HGS: variants seen among roughly 807,000 people sequenced by gnomAD.
The protein encoded by HGS is hepatocyte growth factor-regulated tyrosine kinase substrate, also known as human growth factor-regulated tyrosine kinase substrate.
HGS carries 63 observed loss-of-function variants against 109.7 expected under a neutral mutation model. The observed-to-expected ratio is 0.57, with a 90% CI of 0.47 to 0.71. The LOEUF is 0.71. Among genes scored for constraint, HGS ranks in the 30% least tolerant of loss-of-function variants. The pLI is 0.00. For synonymous variants in HGS, 546 were observed against 437.3 expected (o/e 1.25, Z -3.10); for missense variants, 995 against 1,068.3 (o/e 0.93, Z 0.96).
At chr17:81,690,774 C>G in intron 7 of HGS, 32 bp downstream of exon 7, 1 of 1,587,162 alleles carries the variant, frequency 6.3e-7, no homozygotes, top group Non-Finnish European at 8.6e-7. Context: ...TCTACAGCCC[C>G]GGCCAGACAC....
chr17:81,697,053 C>A, intron 18 of HGS, 55 bp downstream of exon 18: 2 of 1,479,074 alleles, frequency 1.4e-6, no homozygotes, highest in Non-Finnish European at 1.8e-6. Flanking sequence ...TTTATTTTAG[C>A]CGAATTTACA....
In HGS at chr17:81,700,563, A is replaced by C; in HGVS notation, c.1979A>C (p.Tyr660Ser). 6.2e-7 allele frequency: 1 copy of C among 1,610,202 alleles called. No homozygotes were observed. The highest frequency in any genetic ancestry group is 1.1e-5 in the South Asian group (1 of 90,688). ...GCCGGACCCACCGCCAGCCCCGCTTACTCATCCTACCAGCCTACTCCCACA... is the reference window on the plus strand; with the variant it reads ...GCCGGACCCACCGCCAGCCCCGCTTCCTCATCCTACCAGCCTACTCCCACA... ...AQAGPTASPA[Y>S]SSYQPTPTAG... Residue 660 changes from tyrosine to serine, a missense_variant, in exon 19 of 22, where the codon TAC (tyrosine) becomes TCC (serine). This residue lies in a region of HGS where 326 missense variants were observed against 309.7 expected (regional missense o/e 1.05). Coordinates refer to ENST00000329138, the MANE Select transcript of HGS (RefSeq NM_004712.5).
Position 81,700,389 on chromosome 17 carries a change from A to G in HGS, c.1883-78A>G, listed in dbSNP as rs2037216915. 7 of 1,408,050 alleles carry G rather than the reference A, an allele frequency of 5.0e-6. No homozygotes were observed. The South Asian group carries it at 1.0e-4, about 21-fold the overall frequency. The allele number at this position is 1,408,050 out of a possible 1,614,324, so 87.2% of individuals were successfully genotyped here. A position where few individuals can be genotyped will look rare whatever the true frequency, so the allele number is the denominator to read the frequency against. ...TCTCAAAAAAAAAAAAAAAAAAGTAAAACTCAAGAGTAGGGTGTCCCTTCC... is the reference window on the plus strand; with the variant it reads ...TCTCAAAAAAAAAAAAAAAAAAGTAGAACTCAAGAGTAGGGTGTCCCTTCC... On this transcript the variant is annotated intron_variant, in intron 18 of 21. Coordinates refer to ENST00000329138, the MANE Select transcript of HGS (RefSeq NM_004712.5).
chr17:81,691,008 C>G lies in HGS; in HGVS notation c.537+266C>G, dbSNP rs576461495. Among the ~76,000 whole-genome samples, 16 of 152,356 alleles carry G rather than the reference C, an allele frequency of 1.1e-4. No homozygotes were observed. Among genetic ancestry groups the G allele is most frequent in the African/African-American group, 3.4e-4 (14 of 41,580 alleles). The stretch of plus-strand genomic sequence containing the variant: ...GGCTACAGGCCTTGCCACAGTCACT[C>G]TGCTGCTTGCCAGGGCCGTGGGGCC... On this transcript the variant is annotated intron_variant, in intron 7 of 21. Transcript: ENST00000329138. This position sits in a 1 kb window ranked among gnomAD's most constrained non-coding sequence, Gnocchi z 5.3.
In HGS at chr17:81,700,148, CA is replaced by C. The variant is rs1295123267; in HGVS notation, c.1883-317del. ...TTGGGAGGCCGAGGCGGGCGGATCA[CA>C]AGGTCAGGAGATCAAGACAATCCTG... On this transcript the variant is annotated intron_variant, in intron 18 of 21. Coordinates refer to ENST00000329138, the MANE Select transcript of HGS (RefSeq NM_004712.5). Among the ~76,000 whole-genome samples the C allele has an allele frequency of 4.6e-5, 7 of 151,922 alleles. No individual in the cohort carries two copies. In the East Asian group the frequency reaches 1.4e-3, roughly 29 times the overall value.
intron 18 of HGS, among the ~76,000 whole-genome samples, chr17:81,699,605 T>C (rs547484105): frequency 6.6e-6 from 1 of 152,308 alleles, no homozygotes; most frequent in South Asian, 2.1e-4. Flanking sequence ...TTTGTATTTT[T>C]ATTAGAGACA....
chr17:81,690,694 T>C lies in HGS; in HGVS notation c.489T>C (p.Ala163=). ...AAERAPDWVD[A]EECHRCRVQF... is the part of the protein sequence containing the mutation. Reference sequence around the variant, plus strand: ...CTCAGGCCCCAGACTGGGTGGACGCTGAGGAATGCCACCGCTGCAGGGTGC... The same window carrying C: ...CTCAGGCCCCAGACTGGGTGGACGCCGAGGAATGCCACCGCTGCAGGGTGC... Residue 163 remains alanine (A), a synonymous_variant, in exon 7 of 22, where the codon GCT becomes GCC. Coordinates refer to ENST00000329138, the MANE Select transcript of HGS (RefSeq NM_004712.5). The C allele has an allele frequency of 1.9e-6, 3 of 1,612,916 alleles. No homozygotes were observed. The highest frequency in any genetic ancestry group is 2.5e-6 in the Non-Finnish European group (3 of 1,179,694).
At chr17:81,685,557 G>C (rs1459529768) in intron 1 of HGS, 48 bp from the exon 2 acceptor site, 1 of 1,365,378 alleles carries the variant, frequency 7.3e-7, no homozygotes, top group Admixed American at 1.8e-5. Context: ...TGCTGCACGG[G>C]GCGTCCAGCA....
In HGS at chr17:81,696,967, C is replaced by G. The variant is rs1292373762; in HGVS notation, c.1851C>G (p.Gly617=). ...VYMSQPAPAA[G]PYPSMPSTAA... ...TGAGCCAGCCGGCCCCTGCCGCTGG[C>G]CCCTACCCCAGCATGCCCAGCACTG... The change falls in exon 18 of 22, where the codon GGC becomes GGG. Residue 617 remains glycine (G), a synonymous_variant. Transcript: ENST00000329138. 1.3e-6 allele frequency: 2 copies of G among 1,599,652 alleles called. No individual in the cohort carries two copies. Among genetic ancestry groups the G allele is most frequent in the African/African-American group, 1.3e-5 (1 of 74,744 alleles).
Position 81,701,631 on chromosome 17 carries a change from T to A in HGS, c.*13T>A. ...TTCATTCGACTGACCCAGGCCATGC[T>A]CACGTCCGGAGTAACACTACATACA... On this transcript the variant is annotated 3_prime_UTR_variant, in exon 22 of 22. Transcript: ENST00000329138. 3 of 1,548,004 alleles carry A rather than the reference T, an allele frequency of 1.9e-6. No homozygotes were observed. Among genetic ancestry groups the A allele is most frequent in the Non-Finnish European group, 1.7e-6 (2 of 1,152,746 alleles).
At chr17:81,694,887 T>C (rs757331344) in intron 12 of HGS, 34 bp downstream of exon 12, 6 of 1,614,078 alleles carry the variant, frequency 3.7e-6, no homozygotes, top group Non-Finnish European at 5.1e-6. Context: ...CCTCTCACGG[T>C]TTCTGGCCTT....
intron 2 of HGS, 29 bp from the exon 3 acceptor site, chr17:81,686,282 TC>T (rs756206903): frequency 1.3e-6 from 2 of 1,592,384 alleles, no homozygotes; most frequent in Non-Finnish European, 1.7e-6. Flanking sequence ...TTCCCGTTTT[TC>T]TCTGCTTTTA....
intron 15 of HGS, 164 bp downstream of exon 15, chr17:81,696,163 A>ATGCCCTGCCC (rs58903919): frequency 0.027 from 20,620 of 768,870 alleles, 432 homozygotes; most frequent in African/African-American, 0.034. Context: ...AGTGATGACC[A>ATGCCCTGCCC]TGCCCTGCCC....
In HGS at chr17:81,701,818, C is replaced by T. The variant is rs1395286401; in HGVS notation, c.*200C>T. 2 of 752,432 alleles carry T rather than the reference C, an allele frequency of 2.7e-6. No individual in the cohort carries two copies. Among genetic ancestry groups the T allele is most frequent in the East Asian group, 3.2e-5 (1 of 31,326 alleles). The allele number at this position is 752,432 out of a possible 1,614,324, so 46.6% of individuals were successfully genotyped here. A position where few individuals can be genotyped will look rare whatever the true frequency, so the allele number is the denominator to read the frequency against. ...CCCTGAGTTAGTCTCTGCTTTCTTT[C>T]CCCAGGGCTGGGCCATGGGGAGGGA... On this transcript the variant is annotated 3_prime_UTR_variant, in exon 22 of 22. Coordinates refer to ENST00000329138, the MANE Select transcript of HGS (RefSeq NM_004712.5).
chr17:81,698,778 C>T (rs143206141), intron 18 of HGS, among the ~76,000 whole-genome samples: 167 of 152,224 alleles, frequency 1.1e-3, no homozygotes, highest in African/African-American at 1.4e-3. Context: ...TGATAAAAAC[C>T]GTGAGTGCAG....
chr17:81,693,311 G>T (rs1051673732), intron 8 of HGS, among the ~76,000 whole-genome samples, 192 bp from the exon 9 acceptor site: 1 of 152,242 alleles, frequency 6.6e-6, no homozygotes. Flanking sequence ...AGCCCTTGTG[G>T]CTGGTGTGAT....
In HGS at chr17:81,700,729, C is replaced by G; in HGVS notation, c.2051C>G (p.Ala684Gly). The G allele has an allele frequency of 3.1e-6, 5 of 1,612,440 alleles. No homozygotes were observed. The highest frequency in any genetic ancestry group is 4.2e-6 in the Non-Finnish European group (5 of 1,179,794). The change falls in exon 20 of 22, where the codon GCC (alanine) becomes GGC (glycine). Residue 684 changes from alanine to glycine, a missense_variant. Ala to Gly is a moderately conservative substitution (Grantham distance 60). Coordinates refer to ENST00000329138, the MANE Select transcript of HGS (RefSeq NM_004712.5). The stretch of plus-strand genomic sequence containing the variant: ...TCCCAGGCCCCACAGAGCCTCCCGG[C>G]CATCTCTCAGCCTCCGCAGTCCAGC... ...VASQAPQSLP[A>G]ISQPPQSSTM...
In HGS at chr17:81,690,251, G is replaced by A. The variant is rs752905376; in HGVS notation, c.468+17G>A. 145 of 1,613,048 alleles carry A rather than the reference G, an allele frequency of 9.0e-5. No homozygotes were observed. Among genetic ancestry groups the A allele is most frequent in the Middle Eastern group, 3.3e-4 (2 of 6,056 alleles). On this transcript the variant is annotated intron_variant, in intron 6 of 21. Coordinates refer to ENST00000329138, the MANE Select transcript of HGS (RefSeq NM_004712.5). ...GCCGAGAGAGTGAGTGTGGGCGGCCGCCAGGGGTTCTGGAGTCGGGCTGCT... is the reference window on the plus strand; with the variant it reads ...GCCGAGAGAGTGAGTGTGGGCGGCCACCAGGGGTTCTGGAGTCGGGCTGCT...
intron 4 of HGS, 53 bp downstream of exon 4, chr17:81,687,148 T>C: frequency 7.9e-7 from 1 of 1,267,962 alleles, no homozygotes; most frequent in South Asian, 1.2e-5. Context: ...CCTTTGCTTC[T>C]CCGGGTGTTT....
Sources: gnomAD v4.1 joint callset for allele counts (sites outside exome capture counted in the v4.1 genomes callset) on GRCh38, gnomAD v4.1.1 for gene constraint, gnomAD v4.1.1 regional missense constraint, Gnocchi (gnomAD v3.1) non-coding constraint, MANE v1.5 for transcripts, NCBI Gene and HGNC (gene_info 2026-07-23, HGNC 2026-07-21) for gene names.